The following SMURF1 variants were observed in gnomAD, a reference collection of about 807,000 sequenced individuals.
SMURF1 encodes SMAD specific E3 ubiquitin protein ligase 1.
Under a neutral mutation model 98.0 loss-of-function variants are expected in SMURF1, and 44 were observed. That is an observed-to-expected ratio of 0.45 (90% CI 0.35 to 0.58). The LOEUF is 0.58. SMURF1 is among the 20% of genes least tolerant of loss of function. The pLI is 0.00. For synonymous variants in SMURF1, 396 were observed against 374.9 expected, an observed-to-expected ratio of 1.06 and a Z score of -0.65; for missense variants, 687 against 938.4, an observed-to-expected ratio of 0.73 and a Z score of 3.50.
intron 8 of SMURF1, chr7:99,050,550 T>TTA (rs569645179): frequency 1.4e-3 from 220 of 152,464 alleles, no homozygotes; most frequent in African/African-American, 4.6e-3. Context: ...AATGATTAAT[T>TTA]ATTCTCCTGA....
At chr7:99,089,580 G>A (rs887291287) in intron 1 of SMURF1, among the ~76,000 whole-genome samples, 2 of 152,138 alleles carry the variant, frequency 1.3e-5, no homozygotes, top group Non-Finnish European at 2.9e-5. Flanking sequence ...GTTCCAGGCT[G>A]CAGTCAGCCA....
intron 1 of SMURF1, among the ~76,000 whole-genome samples, chr7:99,130,670 TG>T (rs1409297832): frequency 6.6e-6 from 1 of 152,232 alleles, no homozygotes; most frequent in East Asian, 1.9e-4. Flanking sequence ...AAATGGTAGC[TG>T]TACCTTCCTT....
intron 1 of SMURF1, among the ~76,000 whole-genome samples, chr7:99,088,691 A>AGTTT (rs554552682): frequency 6.6e-6 from 1 of 152,108 alleles, no homozygotes. Context: ...TTAGGAAGGT[A>AGTTT]GTTTGTTTGT....
At chr7:99,113,030 G>T (rs1429875113) in intron 1 of SMURF1, among the ~76,000 whole-genome samples, 1 of 152,118 alleles carries the variant, frequency 6.6e-6, no homozygotes, top group East Asian at 1.9e-4. Flanking sequence ...TAAGAAGTCT[G>T]TGGAATACCA....
At chr7:99,121,060 C>T (rs865790156) in intron 1 of SMURF1, 18 of 151,732 alleles carry the variant, frequency 1.2e-4, no homozygotes, top group African/African-American at 1.5e-4. Flanking sequence ...ACGATAAAAT[C>T]GGGCATCAAG....
chr7:99,063,253 A>ATATATATATAAGATT (rs1796090739), intron 1 of SMURF1, among the ~76,000 whole-genome samples: 2 of 3,754 alleles, frequency 5.3e-4, no homozygotes, highest in Non-Finnish European at 1.2e-3. Flanking sequence ...ATATATATAT[A>ATATATATATAAGATT]TATATATATA....
chr7:99,121,907 G>A (rs1159333840), intron 1 of SMURF1, among the ~76,000 whole-genome samples: 1 of 152,210 alleles, frequency 6.6e-6, no homozygotes, highest in Non-Finnish European at 1.5e-5. Flanking sequence ...GCAGGAACCA[G>A]GGAGCGGCGA....
intron 1 of SMURF1, among the ~76,000 whole-genome samples, chr7:99,123,021 G>A (rs1168908620): frequency 6.6e-6 from 1 of 151,784 alleles, no homozygotes; most frequent in Non-Finnish European, 1.5e-5. Flanking sequence ...GGCAAGGCCT[G>A]AGGACAGAGC....
chr7:99,032,986 G>A (rs776318367), intron 17 of SMURF1, 51 bp downstream of exon 17: 11 of 1,548,810 alleles, frequency 7.1e-6, no homozygotes, highest in African/African-American at 6.9e-5. Context: ...GTGAACGTCA[G>A]CATCCTCTGG....
chr7:99,125,505 T>C (rs958456939), intron 1 of SMURF1, among the ~76,000 whole-genome samples: 13 of 152,258 alleles, frequency 8.5e-5, no homozygotes, highest in African/African-American at 3.1e-4. Context: ...CATCCAGCAT[T>C]TGTGTAAACA....
intron 1 of SMURF1, among the ~76,000 whole-genome samples, chr7:99,063,805 C>T (rs1346667199): frequency 3.4e-5 from 5 of 145,066 alleles, no homozygotes; most frequent in Non-Finnish European, 6.0e-5. Flanking sequence ...GAGACAGGGT[C>T]TTGCTCTGTT....
chr7:99,136,894 G>A (rs940223794), intron 1 of SMURF1, among the ~76,000 whole-genome samples: 2 of 152,174 alleles, frequency 1.3e-5, no homozygotes, highest in Admixed American at 1.3e-4. Flanking sequence ...AGGCTGCAGT[G>A]AGCTGTTATG....
At position 99,029,559 on chromosome 7, in the gene SMURF1, T is replaced by C. The variant is rs1794810378; in HGVS notation, c.*1025A>G. On this transcript the variant is annotated 3_prime_UTR_variant, in exon 18 of 18. Coordinates refer to ENST00000361368, the MANE Select transcript of SMURF1 (RefSeq NM_181349.3). ...CCCTACTTTTTGTAGAACAGTATCT[T>C]TGGGTGGATTTACATCATCGAGGTT... 1 of 152,210 alleles carries C rather than the reference T, an allele frequency of 6.6e-6. No homozygotes were observed. The highest frequency in any genetic ancestry group is 6.5e-5 in the Admixed American group (1 of 15,278). 9.4% of individuals were successfully genotyped at this position (152,210 alleles called of 1,614,324 possible). A position where few individuals can be genotyped will look rare whatever the true frequency, so the allele number is the denominator to read the frequency against.
rs1000888200 is a variant in SMURF1, at chr7:99,029,142, T to G, written c.*1442A>C. ...GATAAAACCATTGTCCACAAGGTCC[T>G]TCCCAGGCCATCTCAGACCCACAGC... On this transcript the variant is annotated 3_prime_UTR_variant, in exon 18 of 18. Transcript: ENST00000361368. 6 of 152,726 alleles carry G rather than the reference T, an allele frequency of 3.9e-5. No individual in the cohort carries two copies. The highest frequency in any genetic ancestry group is 1.4e-4 in the African/African-American group (6 of 41,456). 9.5% of individuals were successfully genotyped at this position (152,726 alleles called of 1,614,324 possible). A position where few individuals can be genotyped will look rare whatever the true frequency, so the allele number is the denominator to read the frequency against.
intron 1 of SMURF1, among the ~76,000 whole-genome samples, chr7:99,097,829 T>C (rs555127963): frequency 1.7e-4 from 26 of 152,334 alleles, no homozygotes; most frequent in African/African-American, 6.3e-4. Flanking sequence ...GATAAAAATA[T>C]TGAATGCAGC....
chr7:99,132,118 A>G (rs1306069948), intron 1 of SMURF1, among the ~76,000 whole-genome samples: 1 of 152,194 alleles, frequency 6.6e-6, no homozygotes, highest in Admixed American at 6.5e-5. Flanking sequence ...CAGAAGCCCA[A>G]GATAGAGTAG....
At chr7:99,134,357 C>T (rs924074684) in intron 1 of SMURF1, among the ~76,000 whole-genome samples, 1 of 152,052 alleles carries the variant, frequency 6.6e-6, no homozygotes. Context: ...AGGAACCACG[C>T]GAGAACCCTT....
At chr7:99,073,516 G>A (rs1035150126) in intron 1 of SMURF1, among the ~76,000 whole-genome samples, 1 of 149,500 alleles carries the variant, frequency 6.7e-6, no homozygotes, top group African/African-American at 2.5e-5. Context: ...TGTAATCCCA[G>A]CACTTTGGGA....
At chr7:99,059,951 A>G (rs979360069) in intron 3 of SMURF1, among the ~76,000 whole-genome samples, 3 of 152,066 alleles carry the variant, frequency 2.0e-5, no homozygotes, top group African/African-American at 7.2e-5. Context: ...AACTACAACT[A>G]GGTTTAGGGT....
Sources: gnomAD v4.1 joint callset for allele counts (sites outside exome capture counted in the v4.1 genomes callset) on GRCh38, gnomAD v4.1.1 for gene constraint, MANE v1.5 for transcripts, NCBI Gene and HGNC (gene_info 2026-07-23, HGNC 2026-07-21) for gene names.